Variants in PRRC2B observed in about 807,000 individuals in gnomAD.
The protein encoded by PRRC2B is protein PRRC2B.
A neutral mutation model predicts 242.3 loss-of-function variants in PRRC2B; 68 were observed. The observed-to-expected ratio is 0.28, with a 90% CI of 0.23 to 0.34. The LOEUF (loss-of-function observed/expected upper bound fraction) is 0.34, where lower values mean the gene tolerates loss of function less well. Ranked by LOEUF, PRRC2B falls within the 10% of genes least tolerant of loss-of-function variation. The probability of loss-of-function intolerance (pLI) is 1.00; values close to 1 mark genes in which losing one functional copy is unlikely to be tolerated. For synonymous variants in PRRC2B, 1,228 were observed against 1,173.6 expected (o/e 1.05, Z -0.95); for missense variants, 2,835 against 2,954.8 (o/e 0.96, Z 0.94).
intron 1 of PRRC2B, among the ~76,000 whole-genome samples, chr9:131,375,140 C>T (rs1349252083): frequency 6.6e-6 from 1 of 152,180 alleles, no homozygotes; most frequent in South Asian, 2.1e-4. Context: ...CTGTGGCTCA[C>T]GCCTGTAATC....
intron 11 of PRRC2B, among the ~76,000 whole-genome samples, chr9:131,462,175 T>C (rs1482941976): frequency 1.3e-5 from 2 of 152,202 alleles, no homozygotes; most frequent in African/African-American, 2.4e-5. Flanking sequence ...ATCTATATAC[T>C]AAATTTATGT....
At chr9:131,410,322 T>C (rs1188864706) in intron 1 of PRRC2B, among the ~76,000 whole-genome samples, 1 of 152,182 alleles carries the variant, frequency 6.6e-6, no homozygotes, top group Non-Finnish European at 1.5e-5. Flanking sequence ...TGTGGGATGC[T>C]GTATTAGAGT....
chr9:131,490,587 C>A, intron 28 of PRRC2B: 1 of 519,032 alleles, frequency 1.9e-6, no homozygotes, highest in Non-Finnish European at 3.8e-6. Flanking sequence ...AGTGGCCCAG[C>A]CCCCCTACCC....
At chr9:131,425,240 C>T (rs1321853393) in intron 1 of PRRC2B, among the ~76,000 whole-genome samples, 2 of 152,166 alleles carry the variant, frequency 1.3e-5, no homozygotes, top group African/African-American at 2.4e-5. Context: ...CTCGCCTCGG[C>T]CTCCCAAAGT....
At position 131,464,617 on chromosome 9, in the gene PRRC2B, G is replaced by A. The variant is rs555359883; in HGVS notation, c.1405-146G>A. On this transcript the variant is annotated intron_variant, in intron 11 of 31. Transcript: ENST00000683519. ...TACAGCAGAGGCCAGAGCAGGATTC[G>A]AACCCAGCTCTGTCTGCCACACGCC... 26 of 715,548 alleles carry A rather than the reference G, an allele frequency of 3.6e-5. No homozygotes were observed. In the East Asian group the frequency reaches 5.8e-4, roughly 16 times the overall value. 44.3% of individuals were successfully genotyped at this position (715,548 alleles called of 1,614,324 possible).
intron 13 of PRRC2B, among the ~76,000 whole-genome samples, chr9:131,470,549 G>C (rs1943513403): frequency 6.6e-6 from 1 of 152,128 alleles, no homozygotes; most frequent in African/African-American, 2.4e-5. Flanking sequence ...AGGCACAGAT[G>C]AGCCTCCATT....
intron 1 of PRRC2B, among the ~76,000 whole-genome samples, chr9:131,379,081 G>T (rs2131262443): frequency 6.6e-6 from 1 of 152,244 alleles, no homozygotes; most frequent in East Asian, 1.9e-4. Flanking sequence ...AGGGAATCAT[G>T]CAATACCTGG....
rs772590870 is a variant in PRRC2B at position 131,473,714 on chromosome 9, A to G, written c.2314A>G (p.Met772Val). 1 of 1,612,780 alleles carries G rather than the reference A, an allele frequency of 6.2e-7. No individual in the cohort carries two copies. The highest frequency in any genetic ancestry group is 8.5e-7 in the Non-Finnish European group (1 of 1,179,428). ...GTCGAGTGACACCTTGGCTATGGAC[A>G]TGCGTGTCAGGTGAGATGAAGCCTG... ...PKSSDTLAMD[M>V]RVRNESSFSA... Residue 772 changes from methionine to valine, a missense_variant, in exon 15 of 32, where the codon ATG becomes GTG. Physicochemically the swap from Met to Val is conservative, Grantham distance 21. This residue lies in a region of PRRC2B where 1,536 missense variants were observed against 1,483.1 expected (regional missense o/e 1.04). Coordinates refer to ENST00000683519, the MANE Select transcript of PRRC2B (RefSeq NM_013318.4).
At chr9:131,413,038 T>G (rs1447261238) in intron 1 of PRRC2B, among the ~76,000 whole-genome samples, 6 of 152,248 alleles carry the variant, frequency 3.9e-5, no homozygotes, top group Non-Finnish European at 8.8e-5. Flanking sequence ...TTTAAAGACC[T>G]GTGCTAACAT....
At chr9:131,492,101 C>G in intron 29 of PRRC2B, 68 bp from the exon 30 acceptor site, 1 of 1,249,238 alleles carries the variant, frequency 8.0e-7, no homozygotes, top group African/African-American at 1.5e-5. Context: ...CTGGGTTGTT[C>G]AGTAAGTGTG....
At chr9:131,452,077 A>G (rs1285927150) in intron 9 of PRRC2B, among the ~76,000 whole-genome samples, 3 of 145,788 alleles carry the variant, frequency 2.1e-5, no homozygotes, top group African/African-American at 7.6e-5. Flanking sequence ...ACTTTCCTAA[A>G]GAATAAGATT....
intron 3 of PRRC2B, among the ~76,000 whole-genome samples, chr9:131,435,240 G>A (rs1230371316): frequency 4.6e-5 from 7 of 151,846 alleles, no homozygotes; most frequent in Non-Finnish European, 8.8e-5. Flanking sequence ...AGAGGTTGCA[G>A]TGAGCCGAGA....
chr9:131,483,474 A>G (rs756555215), intron 23 of PRRC2B, 29 bp downstream of exon 23: 21 of 1,597,524 alleles, frequency 1.3e-5, no homozygotes, highest in Admixed American at 5.0e-5. Context: ...TTTTGGCTCC[A>G]CTCACTGCTT....
chr9:131,416,903 ATCTTC>A (rs1329788398), intron 1 of PRRC2B, among the ~76,000 whole-genome samples: 7 of 152,106 alleles, frequency 4.6e-5, no homozygotes, highest in Admixed American at 6.5e-5. Context: ...TGGGTGTGGT[ATCTTC>A]TCTTGATTTT....
chr9:131,492,702 G>A (rs1944229796), intron 30 of PRRC2B, among the ~76,000 whole-genome samples: 1 of 152,140 alleles, frequency 6.6e-6, no homozygotes, highest in Non-Finnish European at 1.5e-5. Context: ...TTATTGCTGG[G>A]CTTATGGGGC....
intron 1 of PRRC2B, among the ~76,000 whole-genome samples, chr9:131,415,891 G>C (rs1837635351): frequency 6.6e-6 from 1 of 151,996 alleles, no homozygotes; most frequent in Non-Finnish European, 1.5e-5. Flanking sequence ...CGGCTACTTG[G>C]CTACTTCAAC....
Position 131,459,370 on chromosome 9 carries a change from T to C in PRRC2B, c.1404+14T>C. 1 of 1,604,896 alleles carries C rather than the reference T, an allele frequency of 6.2e-7. No homozygotes were observed. The highest frequency in any genetic ancestry group is 8.5e-7 in the Non-Finnish European group (1 of 1,175,244). ...CCTGACTACCAGGTACCAAGGGCCCTTGGCTGTCCTGTGTATTTGTACTTC... is the reference window on the plus strand; with the variant it reads ...CCTGACTACCAGGTACCAAGGGCCCCTGGCTGTCCTGTGTATTTGTACTTC... On this transcript the variant is annotated intron_variant, in intron 11 of 31. Coordinates refer to ENST00000683519, the MANE Select transcript of PRRC2B (RefSeq NM_013318.4).
chr9:131,459,044 A>G, intron 10 of PRRC2B, 120 bp from the exon 11 acceptor site: 5 of 818,652 alleles, frequency 6.1e-6, no homozygotes, highest in Non-Finnish European at 9.8e-6. Flanking sequence ...GTGGTGGTCC[A>G]TTCTAATGAA....
At chr9:131,480,674 C>A (rs1943832908) in intron 19 of PRRC2B, among the ~76,000 whole-genome samples, 1 of 151,442 alleles carries the variant, frequency 6.6e-6, no homozygotes, top group African/African-American at 2.4e-5. Context: ...TGGACTTGAA[C>A]CCCTGGGTTC....
Sources: allele counts gnomAD v4.1 joint callset (sites outside exome capture counted in the v4.1 genomes callset), GRCh38; gene constraint gnomAD v4.1.1; regional missense constraint gnomAD v4.1.1; transcripts MANE v1.5; gene names NCBI Gene and HGNC (gene_info 2026-07-23, HGNC 2026-07-21).